The following CNTNAP2 variants were observed in gnomAD, a reference collection of about 807,000 sequenced individuals.
CNTNAP2 encodes contactin associated protein 2, also known as contactin-associated protein-like 2.
CNTNAP2 carries 98 observed loss-of-function variants against 155.2 expected under a neutral mutation model. The observed-to-expected ratio is 0.63, with a 90% CI of 0.54 to 0.75. The LOEUF is 0.75. Ranked by LOEUF, CNTNAP2 falls within the 30% of genes least tolerant of loss-of-function variation. The pLI, the probability that CNTNAP2 is intolerant of heterozygous loss-of-function variation, is 0.00. For missense variants in CNTNAP2, 1,727 were observed against 1,688.1 expected, an observed-to-expected ratio of 1.02 and a Z score of -0.40; for synonymous variants, 651 against 631.2, an observed-to-expected ratio of 1.03 and a Z score of -0.47.
intron 1 of CNTNAP2, among the ~76,000 whole-genome samples, chr7:146,156,498 C>T (rs377252628): frequency 1.3e-4 from 20 of 152,164 alleles, no homozygotes; most frequent in African/African-American, 2.4e-4. Flanking sequence ...TTACAACTTT[C>T]GCCTATGCTA....
intron 3 of CNTNAP2, among the ~76,000 whole-genome samples, chr7:147,018,268 T>C (rs1162402996): frequency 6.6e-6 from 1 of 152,070 alleles, no homozygotes; most frequent in Admixed American, 6.6e-5. Flanking sequence ...GATAGAGAGC[T>C]GCAAGACAAG....
At chr7:148,153,019 T>TAAA (rs1805331433) in intron 17 of CNTNAP2, among the ~76,000 whole-genome samples, 1 of 17,000 alleles carries the variant, frequency 5.9e-5, no homozygotes, top group Non-Finnish European at 9.0e-5. Flanking sequence ...AGACTCCGTC[T>TAAA]CAAAAAAAAA....
chr7:148,355,166 CT>C (rs1167992306), intron 21 of CNTNAP2, among the ~76,000 whole-genome samples: 19 of 41,016 alleles, frequency 4.6e-4, no homozygotes, highest in Admixed American at 4.0e-4. Context: ...CCGCCAGCTG[CT>C]TTTTTTTTTT....
Position 147,837,750 on chromosome 7 carries a change from A to C in CNTNAP2, c.2099-65815A>C, listed in dbSNP as rs542441257. ...AGCTAAAGGCCCTATGCAAGTCCAA[A>C]ATCCAGCAGGGCTGTCAAATCTTAA... is the stretch of plus-strand genomic sequence containing the variant. On this transcript the variant is annotated intron_variant, in intron 13 of 23. Transcript: ENST00000361727. Among the ~76,000 whole-genome samples the C allele has an allele frequency of 1.2e-4, 18 of 152,314 alleles. No individual in the cohort carries two copies. The South Asian group carries it at 3.7e-3, about 32-fold the overall frequency.
chr7:146,198,550 T>C (rs1368225259), intron 1 of CNTNAP2, among the ~76,000 whole-genome samples: 2 of 152,208 alleles, frequency 1.3e-5, no homozygotes, highest in African/African-American at 4.8e-5. Context: ...TTTAAATTTA[T>C]GTTCCTGACT....
chr7:147,505,171 A>G (rs1210845151), intron 11 of CNTNAP2, among the ~76,000 whole-genome samples: 1 of 152,134 alleles, frequency 6.6e-6, no homozygotes, highest in Non-Finnish European at 1.5e-5. Context: ...TGACATTATT[A>G]ATGGCCCTGA....
chr7:146,248,438 C>G (rs1799699851), intron 1 of CNTNAP2, among the ~76,000 whole-genome samples: 1 of 152,186 alleles, frequency 6.6e-6, no homozygotes, highest in Admixed American at 6.5e-5. Context: ...ATCAGGGACG[C>G]ATCCCTGGAA....
chr7:147,104,630 A>G (rs1335470463), intron 4 of CNTNAP2, among the ~76,000 whole-genome samples: 2 of 151,398 alleles, frequency 1.3e-5, no homozygotes, highest in South Asian at 4.1e-4. Flanking sequence ...TTGATATGCT[A>G]TATTTACATA....
At chr7:148,265,102 C>G (rs1168460838) in intron 20 of CNTNAP2, among the ~76,000 whole-genome samples, 1 of 152,128 alleles carries the variant, frequency 6.6e-6, no homozygotes, top group African/African-American at 2.4e-5. Flanking sequence ...AACCATTTAA[C>G]AAAAGAGAGT....
At chr7:147,952,686 A>G (rs1800956442) in intron 14 of CNTNAP2, among the ~76,000 whole-genome samples, 1 of 152,206 alleles carries the variant, frequency 6.6e-6, no homozygotes. Context: ...TTGATGAAGT[A>G]TAAATATGCA....
At chr7:146,924,191 T>G (rs2129220822) in intron 3 of CNTNAP2, among the ~76,000 whole-genome samples, 1 of 152,286 alleles carries the variant, frequency 6.6e-6, no homozygotes, top group Admixed American at 6.5e-5. Context: ...GTCAGGTTTC[T>G]TGTCTCTAGA....
intron 1 of CNTNAP2, among the ~76,000 whole-genome samples, chr7:146,230,237 G>A (rs1486003892): frequency 6.6e-6 from 1 of 152,136 alleles, no homozygotes; most frequent in African/African-American, 2.4e-5. Context: ...AGTCCACTTG[G>A]CACCAGAGAT....
chr7:146,515,680 T>C (rs1036507552), intron 1 of CNTNAP2, among the ~76,000 whole-genome samples: 2 of 152,044 alleles, frequency 1.3e-5, no homozygotes, highest in Non-Finnish European at 2.9e-5. Context: ...ATAGATTTAT[T>C]GGATGCCCAA....
chr7:146,541,442 C>G (rs1378034965), intron 1 of CNTNAP2, among the ~76,000 whole-genome samples: 2 of 151,932 alleles, frequency 1.3e-5, no homozygotes, highest in Non-Finnish European at 2.9e-5. Context: ...ATTTTGAAGT[C>G]ATTAACATGA....
chr7:146,944,527 A>G (rs2129226358), intron 3 of CNTNAP2, among the ~76,000 whole-genome samples: 1 of 152,318 alleles, frequency 6.6e-6, no homozygotes, highest in Non-Finnish European at 1.5e-5. Context: ...ACTAAGCAGC[A>G]ACGATGACAT....
chr7:146,276,733 C>A (rs1243127545), intron 1 of CNTNAP2, among the ~76,000 whole-genome samples: 3 of 152,122 alleles, frequency 2.0e-5, no homozygotes. Flanking sequence ...TTTGAATGGA[C>A]TGAGGTGAAA....
rs981131776 is a variant in CNTNAP2, at chr7:147,980,792, G to A, written c.2383+2803G>A. ...ACAAAAAAAAAAAAATTAGCCGGGC[G>A]TGGTGGCGGGCACCTGTAGTCCCAG... On this transcript the variant is annotated intron_variant, in intron 15 of 23. Transcript: ENST00000361727. Among the ~76,000 whole-genome samples the A allele has an allele frequency of 2.8e-5, 4 of 143,636 alleles. No homozygotes were observed. In the East Asian group the frequency reaches 6.4e-4, roughly 23 times the overall value. The allele number at this position is 143,636 out of a possible 152,430, so 94.2% of individuals were successfully genotyped here.
At chr7:147,696,996 A>G (rs1339180111) in intron 13 of CNTNAP2, among the ~76,000 whole-genome samples, 1 of 152,126 alleles carries the variant, frequency 6.6e-6, no homozygotes, top group East Asian at 1.9e-4. Context: ...ATTTTTTGGC[A>G]TTTATCCTGC....
intron 18 of CNTNAP2, among the ~76,000 whole-genome samples, chr7:148,175,103 T>G (rs371595360): frequency 9.7e-4 from 148 of 152,358 alleles, no homozygotes; most frequent in African/African-American, 3.2e-3. Flanking sequence ...TTTTTACAGC[T>G]GCATAGTATT....
Sources: gnomAD v4.1 joint callset for allele counts (sites outside exome capture counted in the v4.1 genomes callset) on GRCh38, gnomAD v4.1.1 for gene constraint, MANE v1.5 for transcripts, NCBI Gene and HGNC (gene_info 2026-07-23, HGNC 2026-07-21) for gene names.